Variants in MTOR observed in about 807,000 individuals in gnomAD.
MTOR encodes the protein serine/threonine-protein kinase mTOR.
A neutral mutation model predicts 319.8 loss-of-function variants in MTOR; 70 were observed. The ratio of observed to expected loss-of-function variants is 0.22; its 90% CI spans 0.18 to 0.27. The LOEUF (loss-of-function observed/expected upper bound fraction) is 0.27. MTOR is among the 10% of genes least tolerant of loss of function. The pLI, the probability that MTOR is intolerant of heterozygous loss-of-function variation, is 1.00. For missense variants in MTOR, 1,890 were observed against 3,274.4 expected, an observed-to-expected ratio of 0.58 and a Z score of 10.32; for synonymous variants, 1,183 against 1,211.4, an observed-to-expected ratio of 0.98 and a Z score of 0.49.
intron 19 of MTOR, among the ~76,000 whole-genome samples, chr1:11,218,696 T>G (rs1646558485): frequency 6.6e-6 from 1 of 152,112 alleles, no homozygotes; most frequent in Non-Finnish European, 1.5e-5. Flanking sequence ...CCAAGGGACA[T>G]GGACAGGCAA....
intron 31 of MTOR, among the ~76,000 whole-genome samples, chr1:11,148,170 C>T (rs1431600142): frequency 6.6e-6 from 1 of 152,060 alleles, no homozygotes; most frequent in Non-Finnish European, 1.5e-5. Context: ...AGCAACCATG[C>T]TAGATCATGA....
At position 11,199,981 on chromosome 1, in the gene MTOR, G is replaced by T. The variant is rs1645906090; in HGVS notation, c.3945-278C>A. Among the ~76,000 whole-genome samples, 1 of 152,120 alleles carries T rather than the reference G, an allele frequency of 6.6e-6. No homozygotes were observed. Among genetic ancestry groups the T allele is most frequent in the South Asian group, 2.1e-4 (1 of 4,830 alleles). On this transcript the variant is annotated intron_variant, in intron 26 of 57. Coordinates refer to ENST00000361445, the MANE Select transcript of MTOR (RefSeq NM_004958.4). The surrounding 1 kb of genome is among the most constrained non-coding windows in gnomAD (Gnocchi z 4.5). ...GCTAGTGTCTACTGAATTTTACACT[G>T]CAGGTACAGACATTGTGATATTCAG...
At chr1:11,214,434 A>G (rs944559777) in intron 20 of MTOR, among the ~76,000 whole-genome samples, 10 of 152,172 alleles carry the variant, frequency 6.6e-5, no homozygotes, top group African/African-American at 2.4e-4. Flanking sequence ...TATCATTTCT[A>G]TCAACTCAAA....
Position 11,240,407 on chromosome 1 carries a change from AGGCCCTTG to A in MTOR, c.1674_1681del (p.Lys559GlyfsTer14). On this transcript the variant is annotated frameshift_variant, in exon 11 of 58. Coordinates refer to ENST00000361445, the MANE Select transcript of MTOR (RefSeq NM_004958.4). LOFTEE classifies it high-confidence loss of function. ...GCCAGGAGAGGCCAGCTGATGGGCC[AGGCCCTTG>A]GGCATGCCTGGGTGGCGAAGGGGTT... The A allele has an allele frequency of 6.2e-7, 1 of 1,614,262 alleles. No individual in the cohort carries two copies. The highest frequency in any genetic ancestry group is 8.5e-7 in the Non-Finnish European group (1 of 1,180,038).
chr1:11,216,116 TG>T, intron 20 of MTOR, 31 bp downstream of exon 20: 1 of 1,536,382 alleles, frequency 6.5e-7, no homozygotes, highest in Non-Finnish European at 9.0e-7. Context: ...GACCCAAACA[TG>T]GAAGAGGCCA....
chr1:11,157,927 C>G (rs961524780), intron 29 of MTOR, among the ~76,000 whole-genome samples: 1 of 152,196 alleles, frequency 6.6e-6, no homozygotes, highest in African/African-American at 2.4e-5. Flanking sequence ...TCTAGAGTCT[C>G]CCATCCAATG....
At chr1:11,172,980 C>G (rs1467610316) in intron 28 of MTOR, among the ~76,000 whole-genome samples, 1 of 151,396 alleles carries the variant, frequency 6.6e-6, no homozygotes, top group Non-Finnish European at 1.5e-5. Flanking sequence ...AGGTCACTGT[C>G]CATATCCACT....
chr1:11,165,742 T>C (rs1644622906), intron 29 of MTOR, among the ~76,000 whole-genome samples: 1 of 152,074 alleles, frequency 6.6e-6, no homozygotes, highest in Admixed American at 6.6e-5. Context: ...TGGAAAAAAC[T>C]ACTTTAAAGT....
intron 26 of MTOR, among the ~76,000 whole-genome samples, chr1:11,202,644 G>C (rs78142404): frequency 0.052 from 7,836 of 151,866 alleles, 277 homozygotes; most frequent in South Asian, 0.12. Context: ...AAATGGTGAT[G>C]ACTCATGCCT....
At chr1:11,135,954 G>A (rs1275153925) in intron 36 of MTOR, among the ~76,000 whole-genome samples, 1 of 151,778 alleles carries the variant, frequency 6.6e-6, no homozygotes, top group Non-Finnish European at 1.5e-5. Context: ...GGCCAATATG[G>A]TGAAACCCCG....
intron 28 of MTOR, among the ~76,000 whole-genome samples, chr1:11,171,083 T>C (rs1644798660): frequency 6.7e-6 from 1 of 150,128 alleles, no homozygotes; most frequent in Non-Finnish European, 1.5e-5. Flanking sequence ...TAATCCCAGC[T>C]ACTCGGGAGG....
chr1:11,126,856 TTAAG>T (rs1383051585), intron 45 of MTOR, 60 bp from the exon 46 acceptor site: 26 of 1,588,234 alleles, frequency 1.6e-5, no homozygotes, highest in Non-Finnish European at 2.2e-5. Context: ...TAAACGCAAT[TTAAG>T]TATTTTTCAG....
chr1:11,201,625 A>G (rs1049097466), intron 26 of MTOR, among the ~76,000 whole-genome samples: 1 of 152,230 alleles, frequency 6.6e-6, no homozygotes, highest in Non-Finnish European at 1.5e-5. Context: ...AAAATTTAAG[A>G]AATAAAGAAG....
intron 28 of MTOR, among the ~76,000 whole-genome samples, chr1:11,177,548 ACTCTGT>A (rs1645029002): frequency 6.6e-6 from 1 of 152,026 alleles, no homozygotes; most frequent in Non-Finnish European, 1.5e-5. Flanking sequence ...ACAGAGTGAG[ACTCTGT>A]CTCCAAAAAC....
At chr1:11,124,465 T>G (rs112110550) in intron 47 of MTOR, 33 bp downstream of exon 47, 2 of 1,590,340 alleles carry the variant, frequency 1.3e-6, no homozygotes, top group East Asian at 4.5e-5. Flanking sequence ...AGAAGACTTC[T>G]CAAATTGTTG....
At chr1:11,135,219 A>G (rs773695867) in intron 36 of MTOR, among the ~76,000 whole-genome samples, 1 of 152,196 alleles carries the variant, frequency 6.6e-6, no homozygotes, top group Non-Finnish European at 1.5e-5. Flanking sequence ...CAGCATCTTG[A>G]TAAGTGCGGT....
chr1:11,156,813 A>G (rs1461240764), intron 30 of MTOR, among the ~76,000 whole-genome samples: 1 of 152,202 alleles, frequency 6.6e-6, no homozygotes, highest in Non-Finnish European at 1.5e-5. Context: ...TGCAAGAGCT[A>G]ATTTTAAAAA....
Position 11,212,512 on chromosome 1 carries a change from C to A in MTOR, c.3399-38G>T, listed in dbSNP as rs760821102. On this transcript the variant is annotated intron_variant, in intron 22 of 57. Transcript: ENST00000361445. The surrounding 1 kb of genome is among the most constrained non-coding windows in gnomAD (Gnocchi z 4.1). Reference sequence around the variant, plus strand: ...CTAACATACAGTAACTGCTAACATACAATCTCCAAGGAAGAGACGTGACTG... The same window carrying A: ...CTAACATACAGTAACTGCTAACATAAAATCTCCAAGGAAGAGACGTGACTG... 14 of 1,597,944 alleles carry A rather than the reference C, an allele frequency of 8.8e-6. No homozygotes were observed. Among genetic ancestry groups the A allele is most frequent in the Non-Finnish European group, 9.4e-6 (11 of 1,172,328 alleles).
Position 11,262,516 on chromosome 1 carries a change from C to G in MTOR, c.-86G>C, listed in dbSNP as rs538971036. The G allele has an allele frequency of 2.6e-5, 4 of 152,870 alleles. No individual in the cohort carries two copies. Among genetic ancestry groups the G allele is most frequent in the African/African-American group, 9.6e-5 (4 of 41,602 alleles). 9.5% of individuals were successfully genotyped at this position (152,870 alleles called of 1,614,324 possible). On this transcript the variant is annotated 5_prime_UTR_variant, in exon 1 of 58. Coordinates refer to ENST00000361445, the MANE Select transcript of MTOR (RefSeq NM_004958.4). ...CCGCCGCTTCAGGCCCCCTGCCCCA[C>G]CGCCCGCCTTCCCCGCTGTCCTCTA...
Sources: gnomAD v4.1 joint callset for allele counts (sites outside exome capture counted in the v4.1 genomes callset) on GRCh38, gnomAD v4.1.1 for gene constraint, Gnocchi (gnomAD v3.1) non-coding constraint, MANE v1.5 for transcripts, NCBI Gene and HGNC (gene_info 2026-07-23, HGNC 2026-07-21) for gene names.